The following PLXDC1 variants were observed in gnomAD, a reference collection of about 807,000 sequenced individuals.
PLXDC1 encodes plexin domain-containing protein 1.
Under a neutral mutation model 61.3 loss-of-function variants are expected in PLXDC1, and 39 were observed. The ratio of observed to expected loss-of-function variants is 0.64; its 90% CI spans 0.49 to 0.83. PLXDC1 has a LOEUF of 0.83. Among genes scored for constraint, PLXDC1 ranks in the 40% least tolerant of loss-of-function variants. The pLI is 0.00. For synonymous variants in PLXDC1, 212 were observed against 254.5 expected (o/e 0.83, Z 1.59); for missense variants, 596 against 666.5 (o/e 0.89, Z 1.17).
intron 7 of PLXDC1, among the ~76,000 whole-genome samples, chr17:39,101,278 G>A (rs1467773310): frequency 6.6e-6 from 1 of 152,262 alleles, no homozygotes; most frequent in Admixed American, 6.5e-5. Flanking sequence ...AGAAAGGGAA[G>A]GAGGGAGGGA....
intron 7 of PLXDC1, among the ~76,000 whole-genome samples, chr17:39,092,020 T>C (rs1402243456): frequency 6.6e-6 from 1 of 150,706 alleles, no homozygotes; most frequent in Non-Finnish European, 1.5e-5. Context: ...GTGGGGAAAC[T>C]GAGGTTCAGA....
chr17:39,152,603 G>C, upstream of PLXDC1: 2 of 1,251,012 alleles, frequency 1.6e-6, no homozygotes, highest in African/African-American at 3.1e-5. Context: ...GGGGTGAGGG[G>C]GCATCCTGGC....
intron 2 of PLXDC1, among the ~76,000 whole-genome samples, chr17:39,136,782 A>G (rs977922823): frequency 1.3e-5 from 2 of 152,220 alleles, no homozygotes; most frequent in East Asian, 1.9e-4. Flanking sequence ...GAAATTAACA[A>G]TACGATAGTA....
In PLXDC1 at chr17:39,072,772, G is replaced by A. The variant is rs569653623; in HGVS notation, c.1187-287C>T. 7.2e-5 allele frequency among the ~76,000 whole-genome samples: 11 copies of A among 152,316 alleles called. No homozygotes were observed. In the South Asian group the frequency reaches 2.3e-3, roughly 32 times the overall value. On this transcript the variant is annotated intron_variant, in intron 11 of 13. Transcript: ENST00000315392. ...ACGTTCTTCTGTGGGGCGACAGAGA[G>A]ATGTGTAAGGGTTTGAAGAGGGGCT... is the stretch of plus-strand genomic sequence containing the variant.
intron 2 of PLXDC1, among the ~76,000 whole-genome samples, chr17:39,132,384 C>G (rs1567771217): frequency 6.6e-6 from 1 of 151,994 alleles, no homozygotes; most frequent in Admixed American, 6.6e-5. Context: ...CTGCTCCCGT[C>G]CCCGAAACGC....
chr17:39,152,310 C>T (rs1335247695), upstream of PLXDC1, among the ~76,000 whole-genome samples: 4 of 152,146 alleles, frequency 2.6e-5, no homozygotes, highest in Non-Finnish European at 4.4e-5. Flanking sequence ...AGGCCTCCTG[C>T]CTCTCTGGGG....
At chr17:39,135,537 C>T (rs984051985) in intron 2 of PLXDC1, among the ~76,000 whole-genome samples, 3 of 152,068 alleles carry the variant, frequency 2.0e-5, no homozygotes, top group East Asian at 1.9e-4. Flanking sequence ...ATTAGCTGGG[C>T]GTGGTGGCGC....
chr17:39,122,333 C>T (rs1911188771), intron 2 of PLXDC1, among the ~76,000 whole-genome samples: 3 of 142,730 alleles, frequency 2.1e-5, no homozygotes, highest in South Asian at 4.5e-4. Context: ...TCAGCCAAAT[C>T]GCACCACTGC....
chr17:39,141,001 G>A (rs550257305), intron 1 of PLXDC1, among the ~76,000 whole-genome samples: 386 of 152,126 alleles, frequency 2.5e-3, no homozygotes, highest in Non-Finnish European at 4.7e-3. Context: ...TTCTGTACCC[G>A]TTAAATAATA....
At chr17:39,078,100 C>A in intron 10 of PLXDC1, 52 bp from the exon 11 acceptor site, 1 of 1,489,180 alleles carries the variant, frequency 6.7e-7, no homozygotes, top group Non-Finnish European at 9.0e-7. Context: ...CCTTTCCCTT[C>A]ATCCTGAAAG....
intron 1 of PLXDC1, among the ~76,000 whole-genome samples, chr17:39,148,054 C>T (rs900834135): frequency 6.6e-6 from 1 of 151,988 alleles, no homozygotes; most frequent in African/African-American, 2.4e-5. Context: ...AGTTATCTGT[C>T]GATCGGAGGG....
chr17:39,075,726 C>G (rs898933153), intron 11 of PLXDC1, among the ~76,000 whole-genome samples: 1 of 152,178 alleles, frequency 6.6e-6, no homozygotes, highest in Non-Finnish European at 1.5e-5. Context: ...CAACCTCCCC[C>G]CAGCCAGGTC....
rs752973484 is a variant in PLXDC1, at chr17:39,105,953, T to C, written c.712A>G (p.Ile238Val). ...DGRIVFAYKE[I>V]PMSVPEISSS... ...CTGATTTCCGGGACAGACATAGGGATCTGCGGCAGGGAGAAGAGACTCCGT... is the reference window on the plus strand; with the variant it reads ...CTGATTTCCGGGACAGACATAGGGACCTGCGGCAGGGAGAAGAGACTCCGT... Residue 238 changes from isoleucine to valine, a missense_variant and splice_region_variant, in exon 7 of 14, where the codon ATC becomes GTC. Ile to Val is a conservative substitution (Grantham distance 29). Coordinates refer to ENST00000315392, the MANE Select transcript of PLXDC1 (RefSeq NM_020405.5). The C allele has an allele frequency of 6.2e-7, 1 of 1,611,564 alleles. No individual in the cohort carries two copies. Among genetic ancestry groups the C allele is most frequent in the African/African-American group, 1.3e-5 (1 of 74,978 alleles).
intron 2 of PLXDC1, among the ~76,000 whole-genome samples, chr17:39,131,603 T>G (rs1911566373): frequency 6.6e-6 from 1 of 152,134 alleles, no homozygotes; most frequent in Non-Finnish European, 1.5e-5. Flanking sequence ...TATGCCCTCC[T>G]TGGCCTCCCA....
chr17:39,072,459 C>T lies in PLXDC1; in HGVS notation c.1213G>A (p.Gly405Arg), dbSNP rs1469929112. The change falls in exon 12 of 14, where the codon GGA becomes AGA. Residue 405 changes from glycine (G) to arginine (R), a missense_variant. Physicochemically the swap from Gly to Arg is moderately radical, Grantham distance 125. Transcript: ENST00000315392. ...GCAGTTCTGTACTCACCGTCTCCTC[C>T]TGCATAGGGATTCAACTTGGTGTCA... is the stretch of plus-strand genomic sequence containing the variant. ...EDDTKLNPYA[G>R]GDGLQNNLSP... 3 of 1,555,146 alleles carry T rather than the reference C, an allele frequency of 1.9e-6. No individual in the cohort carries two copies. The highest frequency in any genetic ancestry group is 1.2e-5 in the South Asian group (1 of 84,580).
chr17:39,083,924 GCTTC>G (rs1177628036), intron 8 of PLXDC1, among the ~76,000 whole-genome samples: 5 of 151,942 alleles, frequency 3.3e-5, no homozygotes, highest in East Asian at 3.9e-4. Flanking sequence ...TCCCTCCCTA[GCTTC>G]CTTCCTTCTC....
In PLXDC1 at chr17:39,067,856, T is replaced by C. The variant is rs779980226; in HGVS notation, c.1487A>G (p.Glu496Gly). The C allele has an allele frequency of 8.1e-6, 13 of 1,613,984 alleles. No homozygotes were observed. The highest frequency in any genetic ancestry group is 1.1e-5 in the Non-Finnish European group (13 of 1,179,848). The change falls in exon 14 of 14, where the codon GAG becomes GGG. Residue 496 changes from glutamate to glycine, a missense_variant. By Grantham distance (98) the Glu-to-Gly change is moderately conservative. Coordinates refer to ENST00000315392, the MANE Select transcript of PLXDC1 (RefSeq NM_020405.5). Reference sequence around the variant, plus strand: ...TTGGTGTTCTCAGCACTGCTCAGCCTCCATGAAGCCCTCCTTCTCATGGCC... The same window carrying C: ...TTGGTGTTCTCAGCACTGCTCAGCCCCCATGAAGCCCTCCTTCTCATGGCC... The part of the protein sequence containing the change: ...PSGHEKEGFM[E>G]AEQC
chr17:39,108,228 C>A lies in PLXDC1; in HGVS notation c.487G>T (p.Asp163Tyr), dbSNP rs1168030874. ...IATGGFIFMG[D>Y]VIHRMLTATQ... ...GCTGTGAGCATCCGATGGATCACGTCCCCCATGAAGATGAAGCCTAGGGTG... is the reference window on the plus strand; with the variant it reads ...GCTGTGAGCATCCGATGGATCACGTACCCCATGAAGATGAAGCCTAGGGTG... The change falls in exon 5 of 14, where the codon GAC becomes TAC. Residue 163 changes from aspartate (D) to tyrosine (Y), a missense_variant. Asp to Tyr is a radical substitution (Grantham distance 160). Transcript: ENST00000315392. The A allele has an allele frequency of 6.2e-7, 1 of 1,614,052 alleles. No homozygotes were observed. The highest frequency in any genetic ancestry group is 1.7e-4 in the Middle Eastern group (1 of 5,964).
rs760917190 is a variant in PLXDC1 at position 39,083,475 on chromosome 17, A to G, written c.973T>C (p.Cys325Arg). ...SSDLTFNCSW[C>R]HVLQRCSSGF... is the part of the protein sequence containing the mutation. ...GGCACAAACCTCTGGAGGACATGGC[A>G]CCAGCTGCAGTTGAAGGTCAGGTCT... The change falls in exon 9 of 14, where the codon TGC becomes CGC. Residue 325 changes from cysteine (C) to arginine (R), a missense_variant. By Grantham distance (180) the Cys-to-Arg change is radical (BLOSUM62 -3). Transcript: ENST00000315392. 3 of 1,613,716 alleles carry G rather than the reference A, an allele frequency of 1.9e-6. No homozygotes were observed. The African/African-American group carries it at 4.0e-5, about 22-fold the overall frequency.
Sources: allele counts gnomAD v4.1 joint callset (sites outside exome capture counted in the v4.1 genomes callset), GRCh38; gene constraint gnomAD v4.1.1; transcripts MANE v1.5; gene names NCBI Gene and HGNC (gene_info 2026-07-23, HGNC 2026-07-21).